Variants in TRAF3IP1 observed in about 807,000 individuals in gnomAD.
TRAF3IP1 encodes the protein intraflagellar transport 54.
TRAF3IP1 carries 53 observed loss-of-function variants against 89.9 expected under a neutral mutation model. The observed-to-expected ratio is 0.59, with a 90% CI of 0.47 to 0.74. TRAF3IP1 has a LOEUF of 0.74. Among genes scored for constraint, TRAF3IP1 ranks in the 30% least tolerant of loss-of-function variants. TRAF3IP1 has a pLI of 0.00. For missense variants in TRAF3IP1, 806 were observed against 866.1 expected (o/e 0.93, Z 0.87); for synonymous variants, 311 against 322.1 (o/e 0.97, Z 0.37).
At chr2:238,340,190 C>T (rs1698574728) in intron 8 of TRAF3IP1, among the ~76,000 whole-genome samples, 2 of 152,210 alleles carry the variant, frequency 1.3e-5, no homozygotes, top group Non-Finnish European at 2.9e-5. Flanking sequence ...CCTGGGGTCT[C>T]TGTCCTCGCA....
At chr2:238,380,830 G>A (rs1057043934) in intron 15 of TRAF3IP1, among the ~76,000 whole-genome samples, 1 of 152,222 alleles carries the variant, frequency 6.6e-6, no homozygotes, top group Non-Finnish European at 1.5e-5. Flanking sequence ...GTAAAAGCAT[G>A]TTAGCAACCT....
At chr2:238,334,185 G>T (rs1698271735) in intron 7 of TRAF3IP1, 150 bp downstream of exon 7, 1 of 664,056 alleles carries the variant, frequency 1.5e-6, no homozygotes, top group African/African-American at 1.8e-5. Context: ...AAATAATGAA[G>T]ATTTGTGGCT....
chr2:238,390,290 T>C (rs1700940911), intron 15 of TRAF3IP1, among the ~76,000 whole-genome samples: 1 of 152,200 alleles, frequency 6.6e-6, no homozygotes, highest in South Asian at 2.1e-4. Context: ...ACAGCAGACT[T>C]CCTCTGAGCT....
chr2:238,349,299 T>C (rs926977916), intron 11 of TRAF3IP1, 26 bp from the exon 12 acceptor site: 3 of 1,611,382 alleles, frequency 1.9e-6, no homozygotes, highest in African/African-American at 2.7e-5. Context: ...ATACTCCTTT[T>C]TTGGTTTTCC....
chr2:238,341,282 A>G (rs185792093), intron 8 of TRAF3IP1, among the ~76,000 whole-genome samples: 1 of 151,864 alleles, frequency 6.6e-6, no homozygotes, highest in East Asian at 1.9e-4. Flanking sequence ...TCAGACTCCC[A>G]AAGTGCTGGG....
At chr2:238,383,008 ACT>A (rs1700610263) in intron 15 of TRAF3IP1, among the ~76,000 whole-genome samples, 1 of 149,982 alleles carries the variant, frequency 6.7e-6, no homozygotes, top group African/African-American at 2.5e-5. Flanking sequence ...AATCCTCACC[ACT>A]CTCGGGCTCC....
chr2:238,383,513 G>T (rs1700634415), intron 15 of TRAF3IP1, among the ~76,000 whole-genome samples: 1 of 152,190 alleles, frequency 6.6e-6, no homozygotes, highest in South Asian at 2.1e-4. Context: ...CTAGGCCCCT[G>T]CTGACTTTGG....
At chr2:238,333,813 T>C in intron 6 of TRAF3IP1, 147 bp from the exon 7 acceptor site, 3 of 647,732 alleles carry the variant, frequency 4.6e-6, no homozygotes, top group Non-Finnish European at 8.1e-6. Context: ...TCTTGAGTCC[T>C]TAGTAGTATT....
intron 15 of TRAF3IP1, among the ~76,000 whole-genome samples, chr2:238,380,236 G>T (rs1700488984): frequency 6.6e-6 from 1 of 152,198 alleles, no homozygotes; most frequent in Non-Finnish European, 1.5e-5. Flanking sequence ...GACTTCGTAT[G>T]CAGCTGGATC....
intron 8 of TRAF3IP1, among the ~76,000 whole-genome samples, 187 bp from the exon 9 acceptor site, chr2:238,344,310 G>A (rs1166479701): frequency 6.6e-6 from 1 of 152,022 alleles, no homozygotes; most frequent in South Asian, 2.1e-4. Flanking sequence ...CCCCAGAGCC[G>A]CCCATGGGGG....
intron 15 of TRAF3IP1, among the ~76,000 whole-genome samples, chr2:238,394,612 T>C (rs1192049039): frequency 6.6e-6 from 1 of 152,254 alleles, no homozygotes; most frequent in African/African-American, 2.4e-5. Context: ...AGAAATATAG[T>C]TGATTTTCAT....
intron 2 of TRAF3IP1, 87 bp from the exon 3 acceptor site, chr2:238,325,722 A>G: frequency 7.6e-7 from 1 of 1,316,902 alleles, no homozygotes; most frequent in Non-Finnish European, 1.0e-6. Flanking sequence ...GTAAACAGAA[A>G]CTATCCTATG....
rs752772495 is a variant in TRAF3IP1, at chr2:238,320,751, C to T, written c.89C>T (p.Pro30Leu). 1.9e-5 allele frequency: 28 copies of T among 1,440,638 alleles called. No homozygotes were observed. In the Middle Eastern group the frequency reaches 7.3e-4, roughly 38 times the overall value. 89.2% of individuals were successfully genotyped at this position (1,440,638 alleles called of 1,614,324 possible). A position where few individuals can be genotyped will look rare whatever the true frequency, so the allele number is the denominator to read the frequency against. ...PPLTEKLLSK[P>L]PFRYLHDIIT... ...CTGACCGAGAAGCTGCTGAGCAAGC[C>T]CCCGTTCCGCTACCTGCACGACATC... The change falls in exon 1 of 17, where the codon CCC (proline) becomes CTC (leucine). Residue 30 changes from proline to leucine, a missense_variant. Pro to Leu is a moderately conservative substitution (Grantham distance 98). Coordinates refer to ENST00000373327, the MANE Select transcript of TRAF3IP1 (RefSeq NM_015650.4).
At chr2:238,377,073 C>T (rs1368596299) in intron 15 of TRAF3IP1, among the ~76,000 whole-genome samples, 1 of 152,116 alleles carries the variant, frequency 6.6e-6, no homozygotes, top group Non-Finnish European at 1.5e-5. Flanking sequence ...GCACCATTGT[C>T]TGTGTCATCT....
intron 15 of TRAF3IP1, among the ~76,000 whole-genome samples, chr2:238,371,736 A>G (rs56314406): frequency 0.059 from 9,003 of 152,350 alleles, 379 homozygotes; most frequent in Non-Finnish European, 0.081. Flanking sequence ...AAAGAAGAAT[A>G]TAAACTATCT....
chr2:238,326,418 C>T (rs1246260411), intron 3 of TRAF3IP1, among the ~76,000 whole-genome samples: 1 of 152,000 alleles, frequency 6.6e-6, no homozygotes, highest in African/African-American at 2.4e-5. Context: ...CATCTCCAGC[C>T]TCTGGTGTCT....
chr2:238,376,960 G>A (rs1267663742), intron 15 of TRAF3IP1, among the ~76,000 whole-genome samples: 2 of 152,144 alleles, frequency 1.3e-5, no homozygotes, highest in Non-Finnish European at 2.9e-5. Flanking sequence ...GGGGCATTTG[G>A]AGGTTAAGGA....
intron 10 of TRAF3IP1, among the ~76,000 whole-genome samples, chr2:238,347,696 C>T (rs1409142314): frequency 1.3e-5 from 2 of 152,074 alleles, no homozygotes; most frequent in Non-Finnish European, 2.9e-5. Context: ...GGCATGATCT[C>T]GGTTCACCGC....
rs544532079 is a variant in TRAF3IP1, at chr2:238,329,226, C to T, written c.799C>T (p.Arg267Ter). The change falls in exon 5 of 17, where the codon CGA becomes TGA. Residue 267 changes from arginine (R) to a stop codon, truncating the protein, a stop_gained. Transcript: ENST00000373327. LOFTEE classifies it high-confidence loss of function. ...KEKERLRDRDRERDRDKGKDR... is the reference protein window; with the variant it reads ...KEKERLRDRD ...GAAGGAGAGACTGAGAGACAGGGAC[C>T]GAGAGCGCGACCGGGACAAAGGGAA... 3.9e-6 allele frequency: 6 copies of T among 1,551,364 alleles called. No individual in the cohort carries two copies. Among genetic ancestry groups the T allele is most frequent in the Admixed American group, 2.1e-5 (1 of 48,134 alleles).
Sources: allele counts gnomAD v4.1 joint callset (sites outside exome capture counted in the v4.1 genomes callset), GRCh38; gene constraint gnomAD v4.1.1; transcripts MANE v1.5; gene names NCBI Gene and HGNC (gene_info 2026-07-23, HGNC 2026-07-21).